Variants in ARL15 observed in about 807,000 individuals in gnomAD.
ARL15 encodes ADP-ribosylation factor-like protein 15.
In ARL15, 19 loss-of-function variants were observed where a neutral mutation model predicts 25.2. The observed-to-expected ratio is 0.75, with a 90% CI of 0.53 to 1.10. ARL15 has a LOEUF of 1.10. Among genes scored for constraint, ARL15 ranks in the 50% least tolerant of loss-of-function variants. ARL15 has a pLI of 0.00. For synonymous variants in ARL15, 94 were observed against 86.8 expected (o/e 1.08, Z -0.46); for missense variants, 220 against 246.0 (o/e 0.89, Z 0.71).
chr5:53,981,229 G>A (rs1161680989), intron 4 of ARL15, among the ~76,000 whole-genome samples: 1 of 151,908 alleles, frequency 6.6e-6, no homozygotes, highest in African/African-American at 2.4e-5. Flanking sequence ...TTTTAAACAG[G>A]GTAGTGAAAA....
At chr5:53,971,519 G>T (rs967859696) in intron 4 of ARL15, among the ~76,000 whole-genome samples, 2 of 152,028 alleles carry the variant, frequency 1.3e-5, no homozygotes, top group African/African-American at 4.8e-5. Flanking sequence ...CAGGTTATAT[G>T]ACTAGAAATT....
chr5:54,263,835 C>T (rs561798003), intron 1 of ARL15, among the ~76,000 whole-genome samples: 1 of 152,208 alleles, frequency 6.6e-6, no homozygotes, highest in South Asian at 2.1e-4. Flanking sequence ...ACCTCCAACT[C>T]ACACATCTAG....
At chr5:53,932,239 G>A (rs562644482) in intron 4 of ARL15, among the ~76,000 whole-genome samples, 30 of 152,278 alleles carry the variant, frequency 2.0e-4, no homozygotes, top group African/African-American at 7.0e-4. Context: ...GAAAGAATCA[G>A]GATAAAGGAT....
intron 4 of ARL15, among the ~76,000 whole-genome samples, chr5:54,086,448 T>C (rs1190041137): frequency 6.6e-6 from 1 of 151,964 alleles, no homozygotes; most frequent in Non-Finnish European, 1.5e-5. Flanking sequence ...AGGCCTTTTT[T>C]TTTTTTTAAG....
chr5:54,229,395 G>C (rs762394037), intron 1 of ARL15, among the ~76,000 whole-genome samples: 1 of 152,136 alleles, frequency 6.6e-6, no homozygotes, highest in Non-Finnish European at 1.5e-5. Context: ...ACACACTGTA[G>C]AAATCCTTCG....
intron 1 of ARL15, among the ~76,000 whole-genome samples, chr5:54,260,963 G>A (rs1757484633): frequency 6.6e-6 from 1 of 152,170 alleles, no homozygotes; most frequent in Non-Finnish European, 1.5e-5. Context: ...GGCTTCAACA[G>A]TATGAGCCAA....
Position 54,122,097 on chromosome 5 carries a change from T to TA in ARL15, c.254-8688dup, listed in dbSNP as rs1170130412. On this transcript the variant is annotated intron_variant, in intron 3 of 4. Coordinates refer to ENST00000504924, the MANE Select transcript of ARL15 (RefSeq NM_019087.3). ...GTAATTCCTGAGAAAACCAATGTTA[T>TA]AAAAAAATAAACCAAAGTTTTTACT... Among the ~76,000 whole-genome samples, 39 of 152,186 alleles carry TA rather than the reference T, an allele frequency of 2.6e-4. 1 individual carries two copies. Among genetic ancestry groups the TA allele is most frequent in the Admixed American group, 2.6e-3 (39 of 15,276 alleles).
At chr5:53,994,497 G>A (rs1353727436) in intron 4 of ARL15, among the ~76,000 whole-genome samples, 4 of 152,126 alleles carry the variant, frequency 2.6e-5, no homozygotes, top group African/African-American at 9.7e-5. Flanking sequence ...ATCCTCTCTG[G>A]GGAAGAGAGG....
At chr5:54,097,025 T>C (rs274365) in intron 4 of ARL15, among the ~76,000 whole-genome samples, 134,289 of 152,198 alleles carry the variant, frequency 0.88, 59,476 homozygotes, top group East Asian at 0.98. Context: ...AAGTTACATA[T>C]ATTTTATAGC....
Position 54,299,917 on chromosome 5 carries a change from C to T in ARL15, c.48+10515G>A, listed in dbSNP as rs566187500. ...TATTAGTTTTAACTACATCTCCAAA[C>T]CTCACCTCTGAGTTTCCATTTACCT... is the stretch of plus-strand genomic sequence containing the variant. On this transcript the variant is annotated intron_variant, in intron 1 of 4. Transcript: ENST00000504924. Among the ~76,000 whole-genome samples, 4 of 152,242 alleles carry T rather than the reference C, an allele frequency of 2.6e-5. No individual in the cohort carries two copies. In the South Asian group the frequency reaches 8.3e-4, roughly 32 times the overall value.
chr5:53,992,401 G>A (rs1232065633), intron 4 of ARL15, among the ~76,000 whole-genome samples: 2 of 152,030 alleles, frequency 1.3e-5, no homozygotes, highest in East Asian at 3.9e-4. Flanking sequence ...CACACACAGA[G>A]GAAATCTATA....
At chr5:54,184,778 C>A (rs1379521139) in intron 1 of ARL15, among the ~76,000 whole-genome samples, 1 of 152,074 alleles carries the variant, frequency 6.6e-6, no homozygotes, top group Non-Finnish European at 1.5e-5. Flanking sequence ...TGAATCTGTC[C>A]AACTTTGCCT....
chr5:54,089,197 A>C (rs1254992603), intron 4 of ARL15, among the ~76,000 whole-genome samples: 3 of 152,166 alleles, frequency 2.0e-5, no homozygotes, highest in Non-Finnish European at 4.4e-5. Context: ...ACTGAACTCA[A>C]AGCCCCATTA....
intron 1 of ARL15, among the ~76,000 whole-genome samples, chr5:54,194,285 C>A (rs1488645857): frequency 6.6e-6 from 1 of 151,980 alleles, no homozygotes; most frequent in Admixed American, 6.6e-5. Context: ...TTGAACAAGA[C>A]GAGATAAGTC....
intron 4 of ARL15, among the ~76,000 whole-genome samples, chr5:53,979,754 G>A (rs1368973723): frequency 6.6e-6 from 1 of 152,056 alleles, no homozygotes. Flanking sequence ...TCCCCAGCAA[G>A]AGATGCCAAA....
At chr5:54,062,398 T>C (rs1383719192) in intron 4 of ARL15, among the ~76,000 whole-genome samples, 2 of 151,950 alleles carry the variant, frequency 1.3e-5, no homozygotes, top group African/African-American at 2.4e-5. Context: ...CCAAATCTCA[T>C]GTTGAATTCC....
chr5:53,920,839 T>C (rs1745832176), intron 4 of ARL15, among the ~76,000 whole-genome samples: 1 of 152,146 alleles, frequency 6.6e-6, no homozygotes, highest in African/African-American at 2.4e-5. Context: ...GCCAGGTGAC[T>C]GAGTCTTGGG....
chr5:53,898,648 C>T (rs981256491), intron 4 of ARL15, among the ~76,000 whole-genome samples: 1 of 151,312 alleles, frequency 6.6e-6, no homozygotes. Flanking sequence ...GGGTTCCACC[C>T]GCTGCCCCCC....
chr5:53,964,499 A>C (rs1747482570), intron 4 of ARL15, among the ~76,000 whole-genome samples: 1 of 152,038 alleles, frequency 6.6e-6, no homozygotes, highest in African/African-American at 2.4e-5. Flanking sequence ...AGCTGGGACT[A>C]CAGGCGCCCA....
Sources: gnomAD v4.1 joint callset for allele counts (sites outside exome capture counted in the v4.1 genomes callset) on GRCh38, gnomAD v4.1.1 for gene constraint, MANE v1.5 for transcripts, NCBI Gene and HGNC (gene_info 2026-07-23, HGNC 2026-07-21) for gene names.